The following SLC24A3 variants were observed in gnomAD, a reference collection of about 807,000 sequenced individuals.
The protein encoded by SLC24A3 is solute carrier family 24 member 3.
SLC24A3 carries 28 observed loss-of-function variants against 75.8 expected under a neutral mutation model. The ratio of observed to expected loss-of-function variants is 0.37; its 90% confidence interval spans 0.27 to 0.51. SLC24A3 has a LOEUF of 0.51. Among genes scored for constraint, SLC24A3 ranks in the 20% least tolerant of loss-of-function variants. The probability of loss-of-function intolerance (pLI) is 0.94; values close to 1 mark genes in which losing one functional copy is unlikely to be tolerated. For missense variants in SLC24A3, 663 were observed against 847.8 expected, an observed-to-expected ratio of 0.78 and a Z score of 2.71; for synonymous variants, 372 against 334.1, an observed-to-expected ratio of 1.11 and a Z score of -1.24.
At chr20:19,493,985 C>T (rs138445925) in intron 2 of SLC24A3, among the ~76,000 whole-genome samples, 8 of 152,324 alleles carry the variant, frequency 5.3e-5, no homozygotes, top group African/African-American at 1.4e-4. Flanking sequence ...CCTAGCTTGC[C>T]GCATTCCAAG....
chr20:19,665,203 G>C (rs754154109), intron 7 of SLC24A3, among the ~76,000 whole-genome samples: 2 of 152,130 alleles, frequency 1.3e-5, no homozygotes, highest in Non-Finnish European at 2.9e-5. Context: ...TTAGTGAAAG[G>C]GCAGGACCAT....
chr20:19,402,288 T>C (rs1986565784), intron 2 of SLC24A3, among the ~76,000 whole-genome samples: 1 of 152,132 alleles, frequency 6.6e-6, no homozygotes, highest in African/African-American at 2.4e-5. Flanking sequence ...CGAAAGCAGA[T>C]TTGCTTAGAT....
At chr20:19,707,002 C>T (rs934193064) in intron 15 of SLC24A3, among the ~76,000 whole-genome samples, 3 of 152,108 alleles carry the variant, frequency 2.0e-5, no homozygotes, top group Non-Finnish European at 4.4e-5. Context: ...TGAGTCTGCT[C>T]CATGTGCCTC....
chr20:19,576,565 G>A (rs927629037), intron 3 of SLC24A3, among the ~76,000 whole-genome samples: 2 of 152,118 alleles, frequency 1.3e-5, no homozygotes, highest in Non-Finnish European at 2.9e-5. Context: ...ATGTCAAAGG[G>A]TATCTGGTTA....
chr20:19,222,791 T>A (rs142344911), intron 1 of SLC24A3, among the ~76,000 whole-genome samples: 1 of 102,614 alleles, frequency 9.7e-6, no homozygotes, highest in Non-Finnish European at 1.9e-5. Context: ...CTCCCTTCCT[T>A]CCTTCCTTCC....
chr20:19,456,988 C>G (rs1987589330), intron 2 of SLC24A3, among the ~76,000 whole-genome samples: 1 of 152,202 alleles, frequency 6.6e-6, no homozygotes, highest in African/African-American at 2.4e-5. Flanking sequence ...TGAGCTTTCT[C>G]TTGGGATTAA....
chr20:19,596,786 T>C (rs746163218), intron 6 of SLC24A3, among the ~76,000 whole-genome samples: 10 of 152,168 alleles, frequency 6.6e-5, no homozygotes, highest in Non-Finnish European at 1.3e-4. Context: ...AGGAGCTCCA[T>C]AGACCCCTGG....
chr20:19,350,007 G>C (rs58895509), intron 2 of SLC24A3, among the ~76,000 whole-genome samples: 17,197 of 152,192 alleles, frequency 0.11, 2,608 homozygotes, highest in African/African-American at 0.35. Flanking sequence ...ACCCAGCAGG[G>C]TGAGACGCAA....
intron 2 of SLC24A3, among the ~76,000 whole-genome samples, chr20:19,295,922 A>G (rs990582397): frequency 6.6e-6 from 1 of 152,152 alleles, no homozygotes; most frequent in Non-Finnish European, 1.5e-5. Flanking sequence ...GAATAGTTTC[A>G]GAAGAAATGG....
chr20:19,406,117 A>G (rs1986639307), intron 2 of SLC24A3, among the ~76,000 whole-genome samples: 1 of 152,148 alleles, frequency 6.6e-6, no homozygotes, highest in South Asian at 2.1e-4. Flanking sequence ...ACTGCCTTCA[A>G]GAATATTGTA....
At chr20:19,294,759 G>A (rs1430992950) in intron 2 of SLC24A3, among the ~76,000 whole-genome samples, 1 of 152,150 alleles carries the variant, frequency 6.6e-6, no homozygotes, top group Non-Finnish European at 1.5e-5. Context: ...GCATGCATGT[G>A]TCTTTATTGT....
At chr20:19,632,365 T>C (rs1360333716) in intron 6 of SLC24A3, among the ~76,000 whole-genome samples, 1 of 152,218 alleles carries the variant, frequency 6.6e-6, no homozygotes, top group Non-Finnish European at 1.5e-5. Flanking sequence ...TGGAAGCTTT[T>C]GGAGAGAATC....
At chr20:19,633,933 A>C (rs139372535) in intron 6 of SLC24A3, among the ~76,000 whole-genome samples, 144 of 152,246 alleles carry the variant, frequency 9.5e-4, no homozygotes, top group Middle Eastern at 3.4e-3. Context: ...ATTCAATAAA[A>C]TGCTGCTGCT....
intron 2 of SLC24A3, among the ~76,000 whole-genome samples, chr20:19,491,290 G>A (rs1988205793): frequency 6.6e-6 from 1 of 152,188 alleles, no homozygotes; most frequent in East Asian, 1.9e-4. Flanking sequence ...TGGTCACTGT[G>A]TTTCCTGCAC....
At chr20:19,551,078 A>G (rs1404270331) in intron 3 of SLC24A3, among the ~76,000 whole-genome samples, 1 of 152,202 alleles carries the variant, frequency 6.6e-6, no homozygotes, top group South Asian at 2.1e-4. Context: ...TCTCAAGGGA[A>G]TGGATTCAGA....
At chr20:19,458,264 A>G (rs1302690279) in intron 2 of SLC24A3, among the ~76,000 whole-genome samples, 1 of 152,196 alleles carries the variant, frequency 6.6e-6, no homozygotes, top group Non-Finnish European at 1.5e-5. Flanking sequence ...GAATAATGTC[A>G]GAGGCAGGCT....
chr20:19,240,388 GT>G (rs1393068369), intron 1 of SLC24A3, among the ~76,000 whole-genome samples: 1 of 152,324 alleles, frequency 6.6e-6, no homozygotes, highest in Middle Eastern at 3.4e-3. Flanking sequence ...TGAATTGTGA[GT>G]TTGCATTGTA....
intron 1 of SLC24A3, among the ~76,000 whole-genome samples, chr20:19,247,998 GGAGAAACCCA>G (rs1982544596): frequency 6.6e-6 from 1 of 152,120 alleles, no homozygotes; most frequent in African/African-American, 2.4e-5. Flanking sequence ...AGTATTCCAT[GGAGAAACCCA>G]TCCTTTAAAA....
chr20:19,399,825 A>G (rs577943437), intron 2 of SLC24A3, among the ~76,000 whole-genome samples: 2 of 152,282 alleles, frequency 1.3e-5, no homozygotes, highest in South Asian at 4.1e-4. Context: ...TACTTGTTAT[A>G]TTAGGGATTG....
Sources: gnomAD v4.1 joint callset for allele counts (sites outside exome capture counted in the v4.1 genomes callset) on GRCh38, gnomAD v4.1.1 for gene constraint, MANE v1.5 for transcripts, NCBI Gene and HGNC (gene_info 2026-07-23, HGNC 2026-07-21) for gene names.